The following PDE12 variants were observed in gnomAD, a reference collection of about 807,000 sequenced individuals.
PDE12 encodes the protein 2',5'-phosphodiesterase 12.
PDE12 carries 26 observed loss-of-function variants against 45.4 expected under a neutral mutation model. The ratio of observed to expected loss-of-function variants is 0.57; its 90% CI spans 0.42 to 0.79. The LOEUF is 0.79. Ranked by LOEUF, PDE12 falls within the 30% of genes least tolerant of loss-of-function variation. The probability of loss-of-function intolerance (pLI) is 0.00; values close to 1 mark genes in which losing one functional copy is unlikely to be tolerated. For missense variants in PDE12, 668 were observed against 790.0 expected (o/e 0.85, Z 1.85); for synonymous variants, 283 against 323.9 (o/e 0.87, Z 1.36).
chr3:57,619,881 A>T, the PDE12 span, among the ~76,000 whole-genome samples: 1 of 144,532 alleles, frequency 6.9e-6, no homozygotes, highest in Non-Finnish European at 1.6e-5. Flanking sequence ...AATAAAAAAT[A>T]AAAAAAAGAA....
chr3:57,557,199 C>G lies in PDE12; in HGVS notation c.820C>G (p.Pro274Ala). 1.2e-6 allele frequency: 2 copies of G among 1,613,900 alleles called. No homozygotes were observed. Among genetic ancestry groups the G allele is most frequent in the Non-Finnish European group, 1.7e-6 (2 of 1,179,966 alleles). The change falls in exon 1 of 3, where the codon CCT becomes GCT. Residue 274 changes from proline (P) to alanine (A), a missense_variant. Coordinates refer to ENST00000311180, the MANE Select transcript of PDE12 (RefSeq NM_177966.7). ...LESVCVVEAG[P>A]GTCTFDHRHL... ...AAGTGTGTGTGTGGTAGAGGCTGGG[C>G]CTGGCACCTGCACTTTTGACCACCG...
chr3:57,616,255 G>C, the PDE12 span, among the ~76,000 whole-genome samples: 1 of 152,104 alleles, frequency 6.6e-6, no homozygotes, highest in African/African-American at 2.4e-5. Context: ...GCCCAGCAGA[G>C]AGAGGCTGCA....
the PDE12 span, chr3:57,597,253 GA>G: frequency 9.5e-7 from 1 of 1,050,480 alleles, no homozygotes. Context: ...AAGAGCGGAG[GA>G]AGAAAGAGGG....
the PDE12 span, among the ~76,000 whole-genome samples, chr3:57,613,297 CT>C: frequency 0.013 from 1,681 of 129,392 alleles, 28 homozygotes; most frequent in African/African-American, 0.042. Context: ...AAAAAAACAA[CT>C]TTTTTTTTTT....
chr3:57,576,207 T>G, the PDE12 span, among the ~76,000 whole-genome samples: 1 of 152,208 alleles, frequency 6.6e-6, no homozygotes, highest in African/African-American at 2.4e-5. Context: ...CCTGAAAAAT[T>G]ATGCTAAGTG....
chr3:57,587,233 C>T, the PDE12 span, among the ~76,000 whole-genome samples: 140 of 149,736 alleles, frequency 9.3e-4, 1 homozygote, highest in South Asian at 0.016. Flanking sequence ...GCAGGAGACT[C>T]GCTTGAACCC....
the PDE12 span, among the ~76,000 whole-genome samples, chr3:57,647,610 A>G: frequency 6.6e-6 from 1 of 152,148 alleles, no homozygotes; most frequent in African/African-American, 2.4e-5. Context: ...AGACAGAATG[A>G]GTTGAGGAGG....
At chr3:57,578,286 G>C in the PDE12 span, among the ~76,000 whole-genome samples, 4 of 151,734 alleles carry the variant, frequency 2.6e-5, no homozygotes, top group African/African-American at 9.7e-5. Context: ...TGGGCGCAGT[G>C]GCTCACTCCT....
the PDE12 span, among the ~76,000 whole-genome samples, chr3:57,618,607 G>T: frequency 6.0e-4 from 48 of 79,384 alleles, 1 homozygote; most frequent in East Asian, 5.9e-3. Context: ...TTGCTTTTGT[G>T]TTTTTTTTTT....
the PDE12 span, chr3:57,654,740 G>A: frequency 1.0e-6 from 1 of 985,326 alleles, no homozygotes; most frequent in Non-Finnish European, 1.2e-6. Flanking sequence ...CCTAGTGAAA[G>A]GAGCGCCTAC....
downstream of PDE12, among the ~76,000 whole-genome samples, chr3:57,571,176 A>G (rs1440991348): frequency 1.3e-5 from 2 of 152,082 alleles, no homozygotes; most frequent in Non-Finnish European, 2.9e-5. Flanking sequence ...TTAGAAAACT[A>G]TGTTTTTAAT....
At chr3:57,588,515 C>G in the PDE12 span, among the ~76,000 whole-genome samples, 1 of 151,576 alleles carries the variant, frequency 6.6e-6, no homozygotes, top group South Asian at 2.1e-4. Flanking sequence ...TGTGACCAGC[C>G]TGGACAACAT....
At chr3:57,618,607 GT>G in the PDE12 span, among the ~76,000 whole-genome samples, 72 of 79,406 alleles carry the variant, frequency 9.1e-4, no homozygotes, top group African/African-American at 2.6e-3. Flanking sequence ...TTGCTTTTGT[GT>G]TTTTTTTTTT....
At chr3:57,598,098 G>T in the PDE12 span, 1 of 152,222 alleles carries the variant, frequency 6.6e-6, no homozygotes, top group African/African-American at 2.4e-5. Flanking sequence ...CCTAGAAGCA[G>T]CATTAAAGAT....
At position 57,556,679 on chromosome 3, in the gene PDE12, G is replaced by A. The variant is rs1293407415; in HGVS notation, c.300G>A (p.Pro100=). 2.5e-6 allele frequency: 4 copies of A among 1,597,830 alleles called. No individual in the cohort carries two copies. Among genetic ancestry groups the A allele is most frequent in the Non-Finnish European group, 3.4e-6 (4 of 1,169,112 alleles). ...CCAAGAAGAGCAGGAAGAGCCGGCC[G>A]AATGCTAGCGGCGGTGCGGCCTGTT... ...AAAKKSRKSR[P]NASGGAACSG... The change falls in exon 1 of 3, where the codon CCG becomes CCA. Residue 100 remains proline (P), a synonymous_variant. Transcript: ENST00000311180. This position sits in a 1 kb window ranked among gnomAD's most constrained non-coding sequence, Gnocchi z 5.0.
At chr3:57,614,146 A>G in the PDE12 span, among the ~76,000 whole-genome samples, 1 of 152,128 alleles carries the variant, frequency 6.6e-6, no homozygotes, top group Non-Finnish European at 1.5e-5. Context: ...GAACAATACT[A>G]TCAGCCAACT....
chr3:57,575,452 A>G, the PDE12 span: 1 of 1,244,558 alleles, frequency 8.0e-7, no homozygotes, highest in Non-Finnish European at 1.1e-6. Flanking sequence ...ATTTGTCCAA[A>G]GGAGATAATA....
chr3:57,567,467 T>C (rs72872566), downstream of PDE12, among the ~76,000 whole-genome samples: 1,779 of 152,308 alleles, frequency 0.012, 32 homozygotes, highest in African/African-American at 0.04. Flanking sequence ...TGCCTGTGTC[T>C]AGATAAGCAC....
the PDE12 span, among the ~76,000 whole-genome samples, chr3:57,616,483 A>G: frequency 1.0e-4 from 14 of 136,890 alleles, no homozygotes; most frequent in Admixed American, 5.9e-4. Flanking sequence ...GGAAGAAGAA[A>G]GAAGGAGGAA....
Sources: allele counts gnomAD v4.1 joint callset (sites outside exome capture counted in the v4.1 genomes callset), GRCh38; gene constraint gnomAD v4.1.1; non-coding constraint Gnocchi (gnomAD v3.1); transcripts MANE v1.5; gene names NCBI Gene and HGNC (gene_info 2026-07-23, HGNC 2026-07-21).